The following CACNA2D3 variants were observed in gnomAD, a reference collection of about 807,000 sequenced individuals.
The protein encoded by CACNA2D3 is calcium voltage-gated channel auxiliary subunit alpha2delta 3.
A neutral mutation model predicts 160.6 loss-of-function variants in CACNA2D3; 60 were observed. The observed-to-expected ratio is 0.37, with a 90% CI of 0.30 to 0.46. The LOEUF is 0.46. CACNA2D3 is among the 20% of genes least tolerant of loss of function. The probability of loss-of-function intolerance (pLI) is 1.00; values close to 1 mark genes in which losing one functional copy is unlikely to be tolerated. For synonymous variants in CACNA2D3, 558 were observed against 492.9 expected, an observed-to-expected ratio of 1.13 and a Z score of -1.75; for missense variants, 1,205 against 1,365.0, an observed-to-expected ratio of 0.88 and a Z score of 1.85.
chr3:54,123,216 TG>T (rs1213385926), intron 1 of CACNA2D3, among the ~76,000 whole-genome samples: 3 of 152,054 alleles, frequency 2.0e-5, no homozygotes, highest in Admixed American at 2.0e-4. Flanking sequence ...ATGCCCAGTT[TG>T]GGGGGTCGAG....
intron 13 of CACNA2D3, among the ~76,000 whole-genome samples, chr3:54,802,763 G>C (rs1254793743): frequency 6.6e-6 from 1 of 152,112 alleles, no homozygotes; most frequent in Non-Finnish European, 1.5e-5. Flanking sequence ...CCTCAAGTGG[G>C]TCCCTGACCC....
At position 54,522,925 on chromosome 3, in the gene CACNA2D3, T is replaced by TTAC. The variant is rs1559503808; in HGVS notation, c.544+19272_544+19273insACT. On this transcript the variant is annotated intron_variant, in intron 5 of 37. Transcript: ENST00000474759. ...AAAGCACCATTTATTTATTTATTTA[T>TTAC]TTATTTATTTACTTACTTACTTACT... Among the ~76,000 whole-genome samples the TTAC allele has an allele frequency of 1.0e-3, 111 of 107,394 alleles. No homozygotes were observed. In the East Asian group the frequency reaches 0.022, roughly 22 times the overall value. The allele number at this position is 107,394 out of a possible 152,430, so 70.5% of individuals were successfully genotyped here.
intron 27 of CACNA2D3, among the ~76,000 whole-genome samples, chr3:54,900,092 C>T (rs117216128): frequency 6.6e-6 from 1 of 152,300 alleles, no homozygotes; most frequent in East Asian, 1.9e-4. Context: ...GCGTTTCTAT[C>T]CTTAAACTCT....
intron 11 of CACNA2D3, among the ~76,000 whole-genome samples, chr3:54,737,084 T>G (rs748432599): frequency 2.0e-5 from 3 of 152,176 alleles, no homozygotes; most frequent in Non-Finnish European, 4.4e-5. Context: ...GCAATAACCT[T>G]ATTCATTTTT....
intron 2 of CACNA2D3, among the ~76,000 whole-genome samples, chr3:54,290,572 G>T (rs1016836842): frequency 6.6e-6 from 1 of 150,826 alleles, no homozygotes. Flanking sequence ...TATACCCAAA[G>T]GACTATAAAT....
chr3:54,380,156 A>T (rs956165462), intron 3 of CACNA2D3, among the ~76,000 whole-genome samples: 24 of 152,336 alleles, frequency 1.6e-4, no homozygotes, highest in African/African-American at 5.5e-4. Flanking sequence ...ACAAGACAAG[A>T]GTTTGAAATA....
At chr3:54,885,965 G>A (rs1439204866) in intron 23 of CACNA2D3, among the ~76,000 whole-genome samples, 4 of 152,166 alleles carry the variant, frequency 2.6e-5, no homozygotes, top group African/African-American at 7.2e-5. Flanking sequence ...GCTATATCTA[G>A]ATCTCCTGGT....
chr3:54,189,067 C>G (rs1388154643), intron 2 of CACNA2D3, among the ~76,000 whole-genome samples: 1 of 152,202 alleles, frequency 6.6e-6, no homozygotes, highest in Admixed American at 6.5e-5. Flanking sequence ...TTATTACAAG[C>G]ATGAGCTAAA....
chr3:54,302,832 G>A (rs968432642), intron 2 of CACNA2D3, among the ~76,000 whole-genome samples: 5 of 151,670 alleles, frequency 3.3e-5, no homozygotes, highest in South Asian at 2.1e-4. Context: ...CTTTGGTCCC[G>A]GGACCTGTGA....
At chr3:54,660,375 T>C (rs1394252358) in intron 11 of CACNA2D3, among the ~76,000 whole-genome samples, 1 of 152,072 alleles carries the variant, frequency 6.6e-6, no homozygotes. Flanking sequence ...TTAGCCAGGG[T>C]GGTCTCGATC....
At chr3:54,575,330 A>G (rs1012919219) in intron 8 of CACNA2D3, among the ~76,000 whole-genome samples, 1 of 152,226 alleles carries the variant, frequency 6.6e-6, no homozygotes, top group Non-Finnish European at 1.5e-5. Flanking sequence ...TCTTTAAAAC[A>G]TAGCCACTTA....
rs539862257 is a variant in CACNA2D3, at chr3:54,756,827, C to G, written c.1246+4150C>G. 4.6e-4 allele frequency among the ~76,000 whole-genome samples: 70 copies of G among 152,220 alleles called. No homozygotes were observed. In the South Asian group the frequency reaches 0.014, roughly 31 times the overall value. On this transcript the variant is annotated intron_variant, in intron 12 of 37. Transcript: ENST00000474759. Reference sequence around the variant, plus strand: ...CTGGAAATGAATGTCTGGGGACATTCGTACCCCTTGCAATAGTTCTCTGCC... The same window carrying G: ...CTGGAAATGAATGTCTGGGGACATTGGTACCCCTTGCAATAGTTCTCTGCC...
chr3:54,416,900 A>T lies in CACNA2D3; in HGVS notation c.381+30126A>T, dbSNP rs557821198. Among the ~76,000 whole-genome samples the T allele has an allele frequency of 3.3e-5, 5 of 152,300 alleles. No homozygotes were observed. The East Asian group carries it at 7.7e-4, about 23-fold the overall frequency. ...ATAAAGAAAACATTTTTTAAATTGG[A>T]TACAAAAAATTGGAAGGGAAACATA... is the stretch of plus-strand genomic sequence containing the variant. On this transcript the variant is annotated intron_variant, in intron 4 of 37. Transcript: ENST00000474759.
At chr3:54,328,194 A>G (rs1193831899) in intron 3 of CACNA2D3, among the ~76,000 whole-genome samples, 1 of 152,060 alleles carries the variant, frequency 6.6e-6, no homozygotes, top group East Asian at 1.9e-4. Context: ...GAGGGGAACT[A>G]TTTCCGCATT....
intron 2 of CACNA2D3, among the ~76,000 whole-genome samples, chr3:54,194,870 G>A (rs1701050467): frequency 6.6e-6 from 1 of 152,120 alleles, no homozygotes; most frequent in Non-Finnish European, 1.5e-5. Flanking sequence ...CTATCACAAT[G>A]GCCATTACAT....
intron 31 of CACNA2D3, among the ~76,000 whole-genome samples, chr3:54,990,289 G>A (rs1702710284): frequency 6.6e-6 from 1 of 152,154 alleles, no homozygotes; most frequent in Non-Finnish European, 1.5e-5. Flanking sequence ...CCAGCACTTT[G>A]GGAGGCAGAG....
At chr3:54,798,027 T>C (rs1275258328) in intron 13 of CACNA2D3, among the ~76,000 whole-genome samples, 1 of 152,208 alleles carries the variant, frequency 6.6e-6, no homozygotes, top group Non-Finnish European at 1.5e-5. Context: ...CCTCTCCAAC[T>C]TTGAAAATCC....
chr3:54,929,350 G>C (rs1006615510), intron 27 of CACNA2D3, among the ~76,000 whole-genome samples: 3 of 152,182 alleles, frequency 2.0e-5, no homozygotes, highest in African/African-American at 7.2e-5. Context: ...CAACTTCTGA[G>C]GACAACCTGG....
intron 11 of CACNA2D3, among the ~76,000 whole-genome samples, chr3:54,690,639 T>G (rs1466212175): frequency 6.6e-6 from 1 of 152,204 alleles, no homozygotes; most frequent in Non-Finnish European, 1.5e-5. Flanking sequence ...TAAATATCCT[T>G]TTATTCTGGG....
Sources: gnomAD v4.1 joint callset for allele counts (sites outside exome capture counted in the v4.1 genomes callset) on GRCh38, gnomAD v4.1.1 for gene constraint, MANE v1.5 for transcripts, NCBI Gene and HGNC (gene_info 2026-07-23, HGNC 2026-07-21) for gene names.